The following VWF variants were observed in gnomAD, a reference collection of about 807,000 sequenced individuals.
VWF encodes Factor VIII related antigen.
Under a neutral mutation model 308.6 loss-of-function variants are expected in VWF, and 176 were observed. The ratio of observed to expected loss-of-function variants is 0.57; its 90% CI spans 0.50 to 0.65. The LOEUF is 0.65. Among genes scored for constraint, VWF ranks in the 30% least tolerant of loss-of-function variants. VWF has a pLI of 0.00. For missense variants in VWF, 3,146 were observed against 3,648.2 expected (o/e 0.86, Z 3.55); for synonymous variants, 1,385 against 1,443.4 (o/e 0.96, Z 0.92).
intron 40 of VWF, among the ~76,000 whole-genome samples, chr12:5,984,558 C>T (rs1308036826): frequency 6.6e-6 from 1 of 152,244 alleles, no homozygotes; most frequent in Non-Finnish European, 1.5e-5. Flanking sequence ...TAATGATTTC[C>T]TGCCATGCTA....
chr12:6,115,859 A>T (rs932151010), intron 3 of VWF, among the ~76,000 whole-genome samples: 1 of 152,154 alleles, frequency 6.6e-6, no homozygotes, highest in Non-Finnish European at 1.5e-5. Flanking sequence ...CCTCAGGGGG[A>T]AAACCACCCC....
chr12:5,993,773 T>C, intron 37 of VWF, 89 bp downstream of exon 37: 1 of 1,219,316 alleles, frequency 8.2e-7, no homozygotes. Flanking sequence ...TCATCCTTAT[T>C]AGCCAGATAA....
chr12:5,954,206 A>T (rs543971477), intron 47 of VWF, among the ~76,000 whole-genome samples: 2 of 152,282 alleles, frequency 1.3e-5, no homozygotes, highest in Admixed American at 1.3e-4. Flanking sequence ...CTCCCCTGCT[A>T]CAGGTTACCA....
chr12:5,970,797 A>G (rs1943463976), intron 44 of VWF, among the ~76,000 whole-genome samples: 1 of 152,246 alleles, frequency 6.6e-6, no homozygotes, highest in African/African-American at 2.4e-5. Context: ...AGACAGAGGC[A>G]AGGCCCATAT....
At chr12:6,096,991 C>T (rs1945111474) in intron 5 of VWF, among the ~76,000 whole-genome samples, 1 of 152,116 alleles carries the variant, frequency 6.6e-6, no homozygotes, top group Non-Finnish European at 1.5e-5. Flanking sequence ...AAAGATCCCC[C>T]CCACACCAAA....
intron 20 of VWF, 127 bp from the exon 21 acceptor site, chr12:6,031,705 C>T (rs1944265740): frequency 2.0e-5 from 29 of 1,433,408 alleles, no homozygotes; most frequent in East Asian, 9.4e-5. Context: ...TCCATGGCTG[C>T]GCATATGTGC....
intron 20 of VWF, among the ~76,000 whole-genome samples, chr12:6,032,897 T>G (rs1043366202): frequency 1.2e-5 from 1 of 84,764 alleles, no homozygotes; most frequent in African/African-American, 5.1e-5. Flanking sequence ...CGCATACACA[T>G]ACATACACAC....
chr12:5,984,906 G>T, intron 40 of VWF, 139 bp downstream of exon 40: 1 of 843,970 alleles, frequency 1.2e-6, no homozygotes, highest in South Asian at 1.5e-5. Context: ...CCACTTTTTT[G>T]GAGTATCCAG....
intron 16 of VWF, among the ~76,000 whole-genome samples, chr12:6,049,247 G>A (rs1196338691): frequency 3.3e-5 from 5 of 152,110 alleles, no homozygotes; most frequent in African/African-American, 7.2e-5. Context: ...CACCTTCTCC[G>A]TGAAACCCAA....
chr12:6,092,619 G>GTGTGTGTGTGTA (rs1945056286), intron 6 of VWF, among the ~76,000 whole-genome samples: 1 of 71,910 alleles, frequency 1.4e-5, no homozygotes, highest in South Asian at 4.4e-4. Flanking sequence ...GTGAGTGAGA[G>GTGTGTGTGTGTA]TGTGTGTGTG....
intron 16 of VWF, among the ~76,000 whole-genome samples, chr12:6,048,697 A>G (rs1165682956): frequency 6.8e-6 from 1 of 147,720 alleles, no homozygotes; most frequent in African/African-American, 2.5e-5. Flanking sequence ...TCCTGACCTC[A>G]AGTGATCCGC....
intron 3 of VWF, among the ~76,000 whole-genome samples, chr12:6,114,052 C>T (rs1945339041): frequency 6.6e-6 from 1 of 152,246 alleles, no homozygotes; most frequent in Non-Finnish European, 1.5e-5. Context: ...TCCCATCTCA[C>T]AGGGAGTTCT....
chr12:5,987,788 T>C (rs768360329), intron 38 of VWF, among the ~76,000 whole-genome samples: 30 of 152,244 alleles, frequency 2.0e-4, no homozygotes, highest in Non-Finnish European at 3.5e-4. Context: ...TTCCAGAAAA[T>C]GTAAACGAAT....
At chr12:5,956,936 A>G (rs1943258508) in intron 47 of VWF, among the ~76,000 whole-genome samples, 1 of 152,202 alleles carries the variant, frequency 6.6e-6, no homozygotes, top group Non-Finnish European at 1.5e-5. Context: ...AGGTCTTCGC[A>G]TTGACCCACC....
intron 34 of VWF, among the ~76,000 whole-genome samples, chr12:6,001,656 A>G (rs1042708602): frequency 2.0e-5 from 3 of 152,214 alleles, no homozygotes; most frequent in African/African-American, 7.2e-5. Flanking sequence ...GGATACTTTT[A>G]GACATCCCTT....
Position 5,991,905 on chromosome 12 carries a change from G to A in VWF, c.6712C>T (p.Pro2238Ser). The A allele has an allele frequency of 1.9e-6, 3 of 1,614,208 alleles. No homozygotes were observed. The highest frequency in any genetic ancestry group is 2.5e-6 in the Non-Finnish European group (3 of 1,180,046). ...CCTTCCAACATGACTTTATCTGGAGGGCAGAAACAGCCTTCGGAGGGATGG... is the reference window on the plus strand; with the variant it reads ...CCTTCCAACATGACTTTATCTGGAGAGCAGAAACAGCCTTCGGAGGGATGG... ...GDHPSEGCFC[P>S]PDKVMLEGSC... The change falls in exon 38 of 52, where the codon CCT (proline) becomes TCT (serine). Residue 2238 changes from proline (P) to serine (S), a missense_variant. This residue lies in a region of VWF where 989 missense variants were observed against 1,117.4 expected (regional missense o/e 0.89). Transcript: ENST00000261405.
At position 6,094,879 on chromosome 12, in the gene VWF, ATTTT is replaced by A. The variant is rs386375484; in HGVS notation, c.657+577_657+580del. 5.4e-3 allele frequency among the ~76,000 whole-genome samples: 565 copies of A among 104,946 alleles called. 4 individuals are homozygous for A. Among genetic ancestry groups the A allele is most frequent in the African/African-American group, 0.018 (483 of 26,242 alleles). The allele number at this position is 104,946 out of a possible 152,430, so 68.8% of individuals were successfully genotyped here. ...AGGCACATGCCACCATGCCCAGCTA[ATTTT>A]TTTTTTTTTTTTTTTTTTGAGACAG... On this transcript the variant is annotated intron_variant, in intron 6 of 51. Transcript: ENST00000261405.
chr12:5,951,913 C>T (rs1343709443), intron 49 of VWF, 30 bp from the exon 50 acceptor site: 1 of 1,613,652 alleles, frequency 6.2e-7, no homozygotes. Flanking sequence ...TCAGGTTAGG[C>T]ACAAACAGTA....
In VWF at chr12:6,088,249, C is replaced by T. The variant is rs138885848; in HGVS notation, c.657+7211G>A. Reference sequence around the variant, plus strand: ...ATCCCAACACTTTCGGAGGCCGAGGCGGGCAGATCATGAGATCAGGAGATC... The same window carrying T: ...ATCCCAACACTTTCGGAGGCCGAGGTGGGCAGATCATGAGATCAGGAGATC... On this transcript the variant is annotated intron_variant, in intron 6 of 51. Transcript: ENST00000261405. 2.0e-3 allele frequency among the ~76,000 whole-genome samples: 309 copies of T among 152,040 alleles called. 1 individual carries two copies. Among genetic ancestry groups the T allele is most frequent in the African/African-American group, 7.2e-3 (300 of 41,462 alleles).
Sources: allele counts gnomAD v4.1 joint callset (sites outside exome capture counted in the v4.1 genomes callset), GRCh38; gene constraint gnomAD v4.1.1; regional missense constraint gnomAD v4.1.1; transcripts MANE v1.5; gene names NCBI Gene and HGNC (gene_info 2026-07-23, HGNC 2026-07-21).